The following AP3S1 variants were observed in gnomAD, a reference collection of about 807,000 sequenced individuals.
AP3S1 encodes the protein AP-3 complex subunit sigma-1.
A neutral mutation model predicts 21.3 loss-of-function variants in AP3S1; 12 were observed. The ratio of observed to expected loss-of-function variants is 0.56; its 90% CI spans 0.36 to 0.91. The LOEUF is 0.91. Among genes scored for constraint, AP3S1 ranks in the 40% least tolerant of loss-of-function variants. The pLI, the probability that AP3S1 is intolerant of heterozygous loss-of-function variation, is 0.01. For missense variants in AP3S1, 116 were observed against 225.0 expected (o/e 0.52, Z 3.10); for synonymous variants, 48 against 78.4 (o/e 0.61, Z 2.05).
chr5:115,879,315 TATG>T (rs1749058744), intron 3 of AP3S1, among the ~76,000 whole-genome samples: 1 of 152,254 alleles, frequency 6.6e-6, no homozygotes, highest in Non-Finnish European at 1.5e-5. Flanking sequence ...GCCCATTCAG[TATG>T]ATATTGGCTA....
intron 3 of AP3S1, among the ~76,000 whole-genome samples, chr5:115,885,883 G>T (rs1489111147): frequency 6.6e-6 from 1 of 152,162 alleles, no homozygotes; most frequent in Non-Finnish European, 1.5e-5. Flanking sequence ...CACTTAAAAG[G>T]AAGTTTTGAA....
At chr5:115,853,877 G>C (rs1450596203) in intron 1 of AP3S1, among the ~76,000 whole-genome samples, 1 of 152,150 alleles carries the variant, frequency 6.6e-6, no homozygotes. Flanking sequence ...TTCAGTAATA[G>C]AGTGTTTGCC....
intron 4 of AP3S1, among the ~76,000 whole-genome samples, chr5:115,902,179 A>G (rs1032073339): frequency 6.6e-6 from 1 of 152,210 alleles, no homozygotes; most frequent in African/African-American, 2.4e-5. Context: ...TAAAAAAATT[A>G]TAGCAGAATA....
intron 5 of AP3S1, among the ~76,000 whole-genome samples, chr5:115,905,924 G>A (rs1314168902): frequency 6.6e-6 from 1 of 152,196 alleles, no homozygotes; most frequent in Admixed American, 6.5e-5. Context: ...GGATCACTCA[G>A]GTGATCTGCT....
chr5:115,853,194 G>T (rs545824628), intron 1 of AP3S1, among the ~76,000 whole-genome samples: 3 of 152,152 alleles, frequency 2.0e-5, no homozygotes, highest in African/African-American at 4.8e-5. Flanking sequence ...GTATCTTATT[G>T]TGATTTTCAC....
chr5:115,894,809 G>T (rs1750606990), intron 3 of AP3S1, among the ~76,000 whole-genome samples: 1 of 152,124 alleles, frequency 6.6e-6, no homozygotes, highest in South Asian at 2.1e-4. Context: ...GTATTTTTAA[G>T]TGCTTTTGTA....
intron 1 of AP3S1, among the ~76,000 whole-genome samples, chr5:115,852,437 A>G (rs916308986): frequency 1.3e-5 from 2 of 151,926 alleles, no homozygotes; most frequent in Non-Finnish European, 2.9e-5. Context: ...GAAATTAGCT[A>G]ACCTTTTAAA....
chr5:115,848,600 A>G (rs929716543), intron 1 of AP3S1, among the ~76,000 whole-genome samples: 2 of 152,128 alleles, frequency 1.3e-5, no homozygotes, highest in African/African-American at 4.8e-5. Flanking sequence ...ATCTTTGCTA[A>G]TTTTTGTTTG....
intron 5 of AP3S1, among the ~76,000 whole-genome samples, chr5:115,907,184 A>G (rs1484061573): frequency 6.6e-6 from 1 of 152,230 alleles, no homozygotes; most frequent in Non-Finnish European, 1.5e-5. Flanking sequence ...CTTTGTATAT[A>G]AAAACGTAAA....
intron 3 of AP3S1, among the ~76,000 whole-genome samples, chr5:115,881,326 A>G (rs1244543106): frequency 1.3e-5 from 2 of 152,118 alleles, no homozygotes; most frequent in African/African-American, 2.4e-5. Flanking sequence ...TGTTTTTGCA[A>G]TGGCTGGTAC....
intron 3 of AP3S1, among the ~76,000 whole-genome samples, chr5:115,893,446 TAATC>T (rs1425489455): frequency 6.6e-6 from 1 of 152,246 alleles, no homozygotes; most frequent in East Asian, 1.9e-4. Flanking sequence ...AAATATGTGT[TAATC>T]AACTATGTCA....
At chr5:115,860,805 G>A (rs1039542658) in intron 1 of AP3S1, among the ~76,000 whole-genome samples, 6 of 152,108 alleles carry the variant, frequency 3.9e-5, no homozygotes, top group African/African-American at 1.4e-4. Context: ...TGGGGTTTGG[G>A]CAGGCAACAA....
intron 4 of AP3S1, among the ~76,000 whole-genome samples, chr5:115,900,424 G>A (rs1404857474): frequency 4.6e-5 from 7 of 152,104 alleles, no homozygotes; most frequent in Middle Eastern, 3.2e-3. Context: ...GACCTACCCC[G>A]TCATAGGCTT....
At chr5:115,849,380 A>C (rs568359055) in intron 1 of AP3S1, among the ~76,000 whole-genome samples, 1 of 152,238 alleles carries the variant, frequency 6.6e-6, no homozygotes, top group Non-Finnish European at 1.5e-5. Context: ...AAAACAGTAA[A>C]GAAAAGAATG....
chr5:115,867,164 T>A (rs1763694261), intron 2 of AP3S1, among the ~76,000 whole-genome samples: 2 of 152,152 alleles, frequency 1.3e-5, no homozygotes, highest in Admixed American at 1.3e-4. Context: ...AATTTTTATT[T>A]ATGAGATCAC....
At chr5:115,871,300 C>T (rs1748220450) in intron 3 of AP3S1, among the ~76,000 whole-genome samples, 1 of 152,146 alleles carries the variant, frequency 6.6e-6, no homozygotes, top group Non-Finnish European at 1.5e-5. Flanking sequence ...TCTTGGTTCC[C>T]TGGCATTCAT....
intron 5 of AP3S1, among the ~76,000 whole-genome samples, chr5:115,911,501 T>G (rs951522567): frequency 5.3e-5 from 8 of 152,108 alleles, no homozygotes; most frequent in Non-Finnish European, 1.2e-4. Flanking sequence ...CAAATTGGTC[T>G]TTTAACTAGA....
chr5:115,890,221 C>T (rs976538556), intron 3 of AP3S1, among the ~76,000 whole-genome samples: 1 of 152,104 alleles, frequency 6.6e-6, no homozygotes, highest in Non-Finnish European at 1.5e-5. Flanking sequence ...CTTAACAGTA[C>T]TAATTGTAAT....
At chr5:115,892,803 G>C (rs757306870) in intron 3 of AP3S1, among the ~76,000 whole-genome samples, 2 of 152,136 alleles carry the variant, frequency 1.3e-5, no homozygotes, top group Non-Finnish European at 2.9e-5. Context: ...TCAAAAATAA[G>C]TAAAAATGTA....
Sources: gnomAD v4.1 joint callset for allele counts (sites outside exome capture counted in the v4.1 genomes callset) on GRCh38, gnomAD v4.1.1 for gene constraint, MANE v1.5 for transcripts, NCBI Gene and HGNC (gene_info 2026-07-23, HGNC 2026-07-21) for gene names.